ECT2: variants seen among roughly 807,000 people sequenced by gnomAD.
ECT2 encodes protein ECT2.
A neutral mutation model predicts 116.9 loss-of-function variants in ECT2; 61 were observed. That is an observed-to-expected ratio of 0.52 (90% CI 0.42 to 0.65). The LOEUF is 0.65. Ranked by LOEUF, ECT2 falls within the 30% of genes least tolerant of loss-of-function variation. The pLI is 0.00. For missense variants in ECT2, 937 were observed against 1,078.7 expected (o/e 0.87, Z 1.84); for synonymous variants, 358 against 346.4 (o/e 1.03, Z -0.37).
chr3:172,756,576 T>C (rs1717030303), intron 4 of ECT2, among the ~76,000 whole-genome samples: 2 of 152,210 alleles, frequency 1.3e-5, no homozygotes, highest in Non-Finnish European at 2.9e-5. Flanking sequence ...AAGAACTTTA[T>C]GTATGGTATC....
At position 172,778,706 on chromosome 3, in the gene ECT2, C is replaced by T. The variant is rs188944276; in HGVS notation, c.1549-3457C>T. ...CACCTGCCGGGTTCAAGCAATTCTCCTGCCCTAGCCTCCTGAGTAGCTGGG... is the reference window on the plus strand; with the variant it reads ...CACCTGCCGGGTTCAAGCAATTCTCTTGCCCTAGCCTCCTGAGTAGCTGGG... On this transcript the variant is annotated intron_variant, in intron 14 of 24. Coordinates refer to ENST00000392692, the MANE Select transcript of ECT2 (RefSeq NM_001258315.2). 4.0e-3 allele frequency among the ~76,000 whole-genome samples: 596 copies of T among 149,074 alleles called. 7 individuals are homozygous for T. Among genetic ancestry groups the T allele is most frequent in the African/African-American group, 0.014 (572 of 40,744 alleles).
At chr3:172,768,867 A>C in intron 12 of ECT2, 140 bp from the exon 13 acceptor site, 2 of 1,008,582 alleles carry the variant, frequency 2.0e-6, no homozygotes, top group Non-Finnish European at 2.7e-6. Context: ...GCCTATGAGA[A>C]AAAAATTTTT....
intron 5 of ECT2, among the ~76,000 whole-genome samples, chr3:172,757,623 G>A (rs61454575): frequency 0.022 from 3,388 of 151,980 alleles, 140 homozygotes; most frequent in African/African-American, 0.078. Context: ...CACCATGTTA[G>A]CCAGGATGGT....
intron 18 of ECT2, among the ~76,000 whole-genome samples, chr3:172,788,636 A>C (rs1724037352): frequency 6.6e-6 from 1 of 152,246 alleles, no homozygotes; most frequent in Non-Finnish European, 1.5e-5. Context: ...CAGTAAAGCA[A>C]GTCATGTAAA....
intron 13 of ECT2, among the ~76,000 whole-genome samples, chr3:172,773,682 C>T (rs1721085647): frequency 6.6e-6 from 1 of 152,100 alleles, no homozygotes; most frequent in Non-Finnish European, 1.5e-5. Flanking sequence ...CTTCTAATGA[C>T]ATTTCATGAC....
intron 18 of ECT2, among the ~76,000 whole-genome samples, chr3:172,797,928 CTAT>C (rs1357618900): frequency 6.6e-6 from 1 of 152,108 alleles, no homozygotes; most frequent in Non-Finnish European, 1.5e-5. Flanking sequence ...ACATAAATGA[CTAT>C]TATTTCACAA....
At chr3:172,768,958 GTATT>G in intron 12 of ECT2, 45 bp from the exon 13 acceptor site, 1 of 1,509,258 alleles carries the variant, frequency 6.6e-7, no homozygotes, top group Non-Finnish European at 8.9e-7. Context: ...ATAATGTTTG[GTATT>G]TATATTTGGC....
At chr3:172,762,667 A>G in intron 9 of ECT2, 24 bp from the exon 10 acceptor site, 1 of 1,589,266 alleles carries the variant, frequency 6.3e-7, no homozygotes, top group Non-Finnish European at 8.5e-7. Context: ...TGGCTTATTT[A>G]TGCTTATGTG....
chr3:172,794,432 C>T (rs1215519289), intron 18 of ECT2, among the ~76,000 whole-genome samples: 1 of 151,884 alleles, frequency 6.6e-6, no homozygotes, highest in Admixed American at 6.6e-5. Context: ...TATTTCTTTA[C>T]TTTCAATTCT....
intron 14 of ECT2, among the ~76,000 whole-genome samples, chr3:172,776,873 G>GTTTTTT (rs34685201): frequency 6.9e-6 from 1 of 144,006 alleles, no homozygotes. Context: ...AAACGGGTTT[G>GTTTTTT]TTTTTTTTTT....
chr3:172,781,299 A>C (rs1193753082), intron 14 of ECT2, among the ~76,000 whole-genome samples: 1 of 152,212 alleles, frequency 6.6e-6, no homozygotes, highest in Admixed American at 6.5e-5. Context: ...TTCTGCATTC[A>C]GTCTGTTGCA....
rs1364819846 is a variant in ECT2, at chr3:172,756,459, A to G, written c.304-524A>G. 3.3e-5 allele frequency among the ~76,000 whole-genome samples: 5 copies of G among 152,238 alleles called. No homozygotes were observed. The East Asian group carries it at 9.7e-4, about 29-fold the overall frequency. On this transcript the variant is annotated intron_variant, in intron 4 of 24. Transcript: ENST00000392692. The stretch of plus-strand genomic sequence containing the variant: ...GCTACATATTGCACATCTTTCTCAT[A>G]TATCTTACATATCTGCTAAAATGAT...
intron 12 of ECT2, among the ~76,000 whole-genome samples, chr3:172,768,270 C>T (rs1202429916): frequency 6.6e-6 from 1 of 152,032 alleles, no homozygotes; most frequent in East Asian, 1.9e-4. Context: ...TTTACATCTC[C>T]CTTTCTGTTT....
chr3:172,762,761 T>C lies in ECT2; in HGVS notation c.960T>C (p.Asp320=). The change falls in exon 10 of 25, where the codon GAT becomes GAC. Residue 320 remains aspartate, a synonymous_variant. Coordinates refer to ENST00000392692, the MANE Select transcript of ECT2 (RefSeq NM_001258315.2). Reference sequence around the variant, plus strand: ...TAGTTGAAGAGAATATAGTAAAAGATCTTCCCTTTGAACCTTCAAAGAAAC... The same window carrying C: ...TAGTTGAAGAGAATATAGTAAAAGACCTTCCCTTTGAACCTTCAAAGAAAC... The part of the protein sequence containing the change: ...HLVVEENIVK[D]LPFEPSKKLY... The C allele has an allele frequency of 6.2e-7, 1 of 1,613,278 alleles. No homozygotes were observed. Among genetic ancestry groups the C allele is most frequent in the Non-Finnish European group, 8.5e-7 (1 of 1,179,674 alleles).
intron 12 of ECT2, 124 bp from the exon 13 acceptor site, chr3:172,768,883 G>C: frequency 8.7e-7 from 1 of 1,144,060 alleles, no homozygotes; most frequent in Non-Finnish European, 1.2e-6. Flanking sequence ...TTTTTTATTG[G>C]AAATCTGTAT....
intron 24 of ECT2, 99 bp downstream of exon 24, chr3:172,816,936 A>C: frequency 2.8e-5 from 29 of 1,030,786 alleles, no homozygotes; most frequent in Non-Finnish European, 3.9e-5. Context: ...CCATTTTAAA[A>C]AAATTTTAAT....
At chr3:172,808,130 A>T (rs980110338) in intron 22 of ECT2, among the ~76,000 whole-genome samples, 1 of 152,200 alleles carries the variant, frequency 6.6e-6, no homozygotes, top group Non-Finnish European at 1.5e-5. Context: ...CTTGGCTTAC[A>T]TAAGGTAGGC....
At chr3:172,778,884 G>A (rs1160317627) in intron 14 of ECT2, among the ~76,000 whole-genome samples, 3 of 151,930 alleles carry the variant, frequency 2.0e-5, no homozygotes, top group Non-Finnish European at 2.9e-5. Context: ...CATGAGCCAC[G>A]GCACCCGGCC....
At chr3:172,789,212 CTTTT>C (rs1559987442) in intron 18 of ECT2, among the ~76,000 whole-genome samples, 2 of 128,778 alleles carry the variant, frequency 1.6e-5, no homozygotes, top group African/African-American at 5.5e-5. Flanking sequence ...CTCTCTCTCT[CTTTT>C]TTTGTTTTTT....
Sources: gnomAD v4.1 joint callset for allele counts (sites outside exome capture counted in the v4.1 genomes callset) on GRCh38, gnomAD v4.1.1 for gene constraint, MANE v1.5 for transcripts, NCBI Gene and HGNC (gene_info 2026-07-23, HGNC 2026-07-21) for gene names.